Variants in PCK2 observed in about 807,000 individuals in gnomAD.
PCK2 encodes phosphoenolpyruvate carboxykinase 2, mitochondrial.
PCK2 carries 56 observed loss-of-function variants against 65.9 expected under a neutral mutation model. That is an observed-to-expected ratio of 0.85 (90% confidence interval 0.69 to 1.06). The LOEUF is 1.06. Ranked by LOEUF, PCK2 falls within the 50% of genes least tolerant of loss-of-function variation. The pLI, the probability that PCK2 is intolerant of heterozygous loss-of-function variation, is 0.00. For synonymous variants in PCK2, 305 were observed against 319.6 expected, an observed-to-expected ratio of 0.95 and a Z score of 0.49; for missense variants, 843 against 863.1, an observed-to-expected ratio of 0.98 and a Z score of 0.29.
intron 6 of PCK2, 37 bp downstream of exon 6, chr14:24,099,757 CTT>C: frequency 6.3e-7 from 1 of 1,587,446 alleles, no homozygotes; most frequent in Non-Finnish European, 8.7e-7. Flanking sequence ...GGTTCTGGCT[CTT>C]GTCAGAGCCT....
chr14:24,099,846 T>C, intron 6 of PCK2, 126 bp downstream of exon 6: 1 of 1,539,422 alleles, frequency 6.5e-7, no homozygotes, highest in East Asian at 2.2e-5. Context: ...GCTCCATTCC[T>C]CTGGCAGCCC....
In PCK2 at chr14:24,103,872, C is replaced by T. The variant is rs757554278; in HGVS notation, c.1831C>T (p.Arg611Trp). The change falls in exon 10 of 10, where the codon CGG becomes TGG. Residue 611 changes from arginine to tryptophan, a missense_variant. Physicochemically the swap from Arg to Trp is moderately radical, Grantham distance 101. Coordinates refer to ENST00000216780, the MANE Select transcript of PCK2 (RefSeq NM_004563.4). ...CTGGGAACAGGAGGTTCGTGACATT[C>T]GGAGCTACCTGACAGAGCAGGTCAA... ...DFWEQEVRDI[R>W]SYLTEQVNQD... is the part of the protein sequence containing the mutation. 64 of 1,614,122 alleles carry T rather than the reference C, an allele frequency of 4.0e-5. No homozygotes were observed. The Middle Eastern group carries it at 8.2e-4, about 21-fold the overall frequency.
chr14:24,099,636 C>A lies in PCK2; in HGVS notation c.931C>A (p.Leu311Met), dbSNP rs971503239. The A allele has an allele frequency of 1.2e-6, 2 of 1,613,932 alleles. No individual in the cohort carries two copies. Among genetic ancestry groups the A allele is most frequent in the East Asian group, 2.2e-5 (1 of 44,890 alleles). ...AFPSACGKTN[L>M]AMMRPALPGW... ...CCCTAGTGCCTGTGGCAAGACCAAC[C>A]TGGCTATGATGCGGCCTGCACTGCC... The change falls in exon 6 of 10, where the codon CTG (leucine) becomes ATG (methionine). Residue 311 changes from leucine to methionine, a missense_variant. Leu to Met is a conservative substitution (Grantham distance 15). Coordinates refer to ENST00000216780, the MANE Select transcript of PCK2 (RefSeq NM_004563.4).
rs2036797646 is a variant in PCK2 at position 24,094,970 on chromosome 14, G to A, written c.29+536G>A. 3 of 762,980 alleles carry A rather than the reference G, an allele frequency of 3.9e-6. No homozygotes were observed. The highest frequency in any genetic ancestry group is 3.8e-6 in the Non-Finnish European group (2 of 521,996). The allele number at this position is 762,980 out of a possible 1,614,324, so 47.3% of individuals were successfully genotyped here. ...GGCGGGAAGTCCAGAGCAGCCCGAG[G>A]GACCTGGGCCCAGGGGAGGGAGGCA... On this transcript the variant is annotated intron_variant, in intron 1 of 9. Coordinates refer to ENST00000216780, the MANE Select transcript of PCK2 (RefSeq NM_004563.4). This position sits in a 1 kb window ranked among gnomAD's most constrained non-coding sequence, Gnocchi z 4.1.
Position 24,098,279 on chromosome 14 carries a change from G to A in PCK2, c.352G>A (p.Asp118Asn), listed in dbSNP as rs771181506. 2 of 1,614,132 alleles carry A rather than the reference G, an allele frequency of 1.2e-6. No homozygotes were observed. Among genetic ancestry groups the A allele is most frequent in the South Asian group, 2.2e-5 (2 of 91,086 alleles). Residue 118 changes from aspartate to asparagine, a missense_variant, in exon 3 of 10, where the codon GAC becomes AAC. Transcript: ENST00000216780. ...KTVIVTPSQR[D>N]TVPLPPGGAR... ...GGTGATTGTAACTCCTTCTCAGCGG[G>A]ACACGGTACCACTCCCGCCTGGTGG...
Position 24,103,172 on chromosome 14 carries a change from T to A in PCK2, c.1385T>A (p.Val462Glu). The A allele has an allele frequency of 6.2e-7, 1 of 1,613,386 alleles. No homozygotes were observed. Reference protein sequence around the residue: ...GGRRPKGVPLVYEAFNWRHGV... With the variant: ...GGRRPKGVPLEYEAFNWRHGV... ...ATTGGTGATCTAGGGGTACCCCTGG[T>A]ATACGAGGCCTTCAACTGGCGTCAT... Residue 462 changes from valine to glutamate, a missense_variant, in exon 9 of 10, where the codon GTA (valine) becomes GAA (glutamate). Val to Glu is a moderately radical substitution (Grantham distance 121, BLOSUM62 -2). Coordinates refer to ENST00000216780, the MANE Select transcript of PCK2 (RefSeq NM_004563.4).
In PCK2 at chr14:24,103,759, T is replaced by A. The variant is rs776147431; in HGVS notation, c.1718T>A (p.Ile573Asn). The A allele has an allele frequency of 6.2e-7, 1 of 1,614,140 alleles. No homozygotes were observed. Among genetic ancestry groups the A allele is most frequent in the East Asian group, 2.2e-5 (1 of 44,872 alleles). Residue 573 changes from isoleucine (I) to asparagine (N), a missense_variant, in exon 10 of 10, where the codon ATT becomes AAT. Transcript: ENST00000216780. ...GAGGACAGTGCCCGAGAGACACCCA[T>A]TGGGCTGGTGCCAAAGGAAGGAGCC... Reference protein sequence around the residue: ...EGEDSARETPIGLVPKEGALD... With the variant: ...EGEDSARETPNGLVPKEGALD...
chr14:24,103,963 G>A lies in PCK2; in HGVS notation c.1922G>A (p.Ter641=). Residue 641 remains the stop codon, a stop_retained_variant, in exon 10 of 10, where the codon TGA becomes TAA. Coordinates refer to ENST00000216780, the MANE Select transcript of PCK2 (RefSeq NM_004563.4). ...EALERRVHKM[*] ...CTGGAGAGACGTGTGCACAAAATGT[G>A]ACCTGAGGCCCTAGTCTAGCAAGAG... is the stretch of plus-strand genomic sequence containing the variant. 1 of 1,611,580 alleles carries A rather than the reference G, an allele frequency of 6.2e-7. No homozygotes were observed. Among genetic ancestry groups the A allele is most frequent in the South Asian group, 1.1e-5 (1 of 91,044 alleles).
chr14:24,099,785 A>G, intron 6 of PCK2, 65 bp downstream of exon 6: 1 of 1,530,618 alleles, frequency 6.5e-7, no homozygotes, highest in Middle Eastern at 1.7e-4. Context: ...TCTCCTCTCT[A>G]GTGTTCACAA....
intron 1 of PCK2, among the ~76,000 whole-genome samples, chr14:24,096,144 AGGCT>A (rs2036867374): frequency 2.0e-5 from 3 of 150,902 alleles, no homozygotes; most frequent in Non-Finnish European, 4.4e-5. Context: ...AAAATGGATG[AGGCT>A]TCAAATACCA....
intron 7 of PCK2, among the ~76,000 whole-genome samples, chr14:24,102,072 A>G (rs1046302775): frequency 2.7e-5 from 4 of 150,768 alleles, no homozygotes; most frequent in East Asian, 3.9e-4. Flanking sequence ...TTAAAAATAC[A>G]AAAAAATCAG....
At position 24,094,622 on chromosome 14, in the gene PCK2, C is replaced by G; in HGVS notation, c.29+188C>G. The G allele has an allele frequency of 6.8e-7, 1 of 1,470,098 alleles. No homozygotes were observed. The highest frequency in any genetic ancestry group is 9.0e-7 in the Non-Finnish European group (1 of 1,111,662). The allele number at this position is 1,470,098 out of a possible 1,614,324, so 91.1% of individuals were successfully genotyped here. On this transcript the variant is annotated intron_variant, in intron 1 of 9. Coordinates refer to ENST00000216780, the MANE Select transcript of PCK2 (RefSeq NM_004563.4). The surrounding 1 kb of genome is among the most constrained non-coding windows in gnomAD (Gnocchi z 4.1). ...CTCTTGGGAGGGCAGCCGGCCGGTGCTCCTCGTTTCCGCCTGCACCTCCCC... is the reference window on the plus strand; with the variant it reads ...CTCTTGGGAGGGCAGCCGGCCGGTGGTCCTCGTTTCCGCCTGCACCTCCCC...
At chr14:24,100,678 A>G (rs2037127851) in intron 7 of PCK2, 1 of 540,806 alleles carries the variant, frequency 1.8e-6, no homozygotes, top group Non-Finnish European at 2.4e-6. Context: ...AAAAGAGGAA[A>G]GCTGCCTCCT....
chr14:24,100,827 A>T (rs1256710314), intron 7 of PCK2, among the ~76,000 whole-genome samples: 2 of 152,168 alleles, frequency 1.3e-5, no homozygotes, highest in African/African-American at 4.8e-5. Flanking sequence ...AAACAAAATC[A>T]GGTCAGTGCT....
chr14:24,098,521 C>A lies in PCK2; in HGVS notation c.507C>A (p.Ser169=). ...CATTCAGCATGGGTCCTGTGGGCTC[C>A]CCGCTGTCCCGCATCGGGGTGCAGC... ...VLPFSMGPVG[S]PLSRIGVQLT... Residue 169 remains serine (S), a synonymous_variant, in exon 4 of 10, where the codon TCC becomes TCA. Transcript: ENST00000216780. The A allele has an allele frequency of 6.2e-7, 1 of 1,614,168 alleles. No individual in the cohort carries two copies. The highest frequency in any genetic ancestry group is 2.2e-5 in the East Asian group (1 of 44,878).
chr14:24,100,357 C>A (rs760828758), intron 7 of PCK2, 144 bp downstream of exon 7: 18 of 1,461,124 alleles, frequency 1.2e-5, no homozygotes, highest in Non-Finnish European at 1.5e-5. Context: ...CAGTCCCAGG[C>A]AAAATCTCAG....
At chr14:24,098,427 T>C in intron 3 of PCK2, 40 bp downstream of exon 3, 1 of 1,612,498 alleles carries the variant, frequency 6.2e-7, no homozygotes, top group Admixed American at 1.7e-5. Flanking sequence ...GCACGGAAGA[T>C]GTGAACAGGT....
chr14:24,103,254 A>C lies in PCK2; in HGVS notation c.1467A>C (p.Lys489Asn), dbSNP rs2037238188. 4 of 1,610,678 alleles carry C rather than the reference A, an allele frequency of 2.5e-6. No individual in the cohort carries two copies. The East Asian group carries it at 8.9e-5, about 36-fold the overall frequency. The change falls in exon 9 of 10, where the codon AAA (lysine) becomes AAC (asparagine). Residue 489 changes from lysine to asparagine, a missense_variant and splice_region_variant. Transcript: ENST00000216780. ...RSESTAAAEHKGKIIMHDPFA... is the reference protein window; with the variant it reads ...RSESTAAAEHNGKIIMHDPFA... ...AGTCCACTGCTGCAGCAGAACACAA[A>C]GGTGAGCACCCTCACCATTCCTCCC...
upstream of PCK2, chr14:24,094,176 G>C: frequency 1.8e-6 from 1 of 557,710 alleles, no homozygotes; most frequent in South Asian, 2.2e-5. The surrounding 1 kb of genome is among the most constrained non-coding windows in gnomAD (Gnocchi z 4.1). Context: ...CGGCTGGGCT[G>C]ACCTGGAGCC....
Sources: allele counts gnomAD v4.1 joint callset (sites outside exome capture counted in the v4.1 genomes callset), GRCh38; gene constraint gnomAD v4.1.1; non-coding constraint Gnocchi (gnomAD v3.1); transcripts MANE v1.5; gene names NCBI Gene and HGNC (gene_info 2026-07-23, HGNC 2026-07-21).